NEBL: variants seen among roughly 807,000 people sequenced by gnomAD.
NEBL encodes LIM and SH3 protein 2.
Under a neutral mutation model 140.2 loss-of-function variants are expected in NEBL, and 122 were observed. That is an observed-to-expected ratio of 0.87 (90% CI 0.75 to 1.01). The LOEUF (loss-of-function observed/expected upper bound fraction) is 1.01, where lower values mean the gene tolerates loss of function less well. Ranked by LOEUF, NEBL falls within the 50% of genes least tolerant of loss-of-function variation. The pLI, the probability that NEBL is intolerant of heterozygous loss-of-function variation, is 0.00. For missense variants in NEBL, 1,365 were observed against 1,231.3 expected, an observed-to-expected ratio of 1.11 and a Z score of -1.62; for synonymous variants, 436 against 398.9, an observed-to-expected ratio of 1.09 and a Z score of -1.11.
chr10:20,908,739 G>C (rs747432062), intron 4 of NEBL, among the ~76,000 whole-genome samples: 2 of 152,132 alleles, frequency 1.3e-5, no homozygotes, highest in Non-Finnish European at 2.9e-5. Flanking sequence ...AGCAGCCAGC[G>C]CCACACAGCA....
chr10:20,845,318 C>A lies in NEBL; in HGVS notation c.1167G>T (p.Leu389=). The change falls in exon 12 of 28, where the codon CTG becomes CTT. Residue 389 remains leucine, a synonymous_variant. Coordinates refer to ENST00000377122, the MANE Select transcript of NEBL (RefSeq NM_006393.3). ...AAAATTCTGGAGTCTTGTCTAAATC[C>A]AGTGATGACCTTCCTTTAATCTCCT... The part of the protein sequence containing the change: ...FEKEIKGRSS[L]DLDKTPEFLH... 6 of 1,606,480 alleles carry A rather than the reference C, an allele frequency of 3.7e-6. No homozygotes were observed. Among genetic ancestry groups the A allele is most frequent in the Non-Finnish European group, 4.3e-6 (5 of 1,173,562 alleles).
At chr10:21,283,292 C>T (rs535500775) in intron 1 of NEBL, among the ~76,000 whole-genome samples, 1 of 152,250 alleles carries the variant, frequency 6.6e-6, no homozygotes, top group Admixed American at 6.5e-5. Flanking sequence ...CAGGAAGTTA[C>T]CCTATATGGT....
At chr10:21,056,272 T>C (rs1285925964) in intron 2 of NEBL, among the ~76,000 whole-genome samples, 1 of 152,206 alleles carries the variant, frequency 6.6e-6, no homozygotes, top group Non-Finnish European at 1.5e-5. Flanking sequence ...CAGCCCTCTC[T>C]CTTGTTCATA....
At chr10:20,956,518 T>C (rs941608248) in intron 4 of NEBL, among the ~76,000 whole-genome samples, 18 of 152,300 alleles carry the variant, frequency 1.2e-4, no homozygotes, top group African/African-American at 4.3e-4. Flanking sequence ...ATACTAGCCT[T>C]CAAGAGCTTA....
intron 22 of NEBL, 150 bp downstream of exon 22, chr10:20,815,475 G>C: frequency 1.5e-6 from 1 of 671,408 alleles, no homozygotes. Flanking sequence ...GGCAGCTTTT[G>C]GAAGTCATCT....
In NEBL at chr10:21,242,376, C is replaced by T. The variant is rs150531721; in HGVS notation, n.348+5545G>A. ...AGTGAACTAATGCAGGAACAGAAAA[C>T]CAAATACTGCATGTTCTCACGTATA... On this transcript the variant is annotated intron_variant and non_coding_transcript_variant, in intron 3 of 8. Transcript: ENST00000675702. Among the ~76,000 whole-genome samples, 614 of 152,182 alleles carry T rather than the reference C, an allele frequency of 4.0e-3. 5 individuals carry two copies. The highest frequency in any genetic ancestry group is 6.8e-3 in the Middle Eastern group (2 of 292).
At chr10:20,938,216 G>A (rs1261713745) in intron 4 of NEBL, among the ~76,000 whole-genome samples, 3 of 152,184 alleles carry the variant, frequency 2.0e-5, no homozygotes, top group African/African-American at 4.8e-5. Flanking sequence ...CACCTCACAC[G>A]GCTGGGTACT....
intron 3 of NEBL, among the ~76,000 whole-genome samples, chr10:21,222,563 G>A (rs1265271933): frequency 1.3e-5 from 2 of 152,062 alleles, no homozygotes; most frequent in Admixed American, 6.6e-5. Context: ...ACCCTGCCAA[G>A]TCACTACTAT....
At chr10:21,165,393 C>T (rs909804958) in intron 2 of NEBL, among the ~76,000 whole-genome samples, 10 of 152,150 alleles carry the variant, frequency 6.6e-5, no homozygotes, top group African/African-American at 2.4e-4. Flanking sequence ...TTAATGAACC[C>T]TAGTCACCAG....
intron 2 of NEBL, among the ~76,000 whole-genome samples, chr10:21,059,508 G>A (rs777322166): frequency 1.3e-5 from 2 of 152,204 alleles, no homozygotes; most frequent in Non-Finnish European, 2.9e-5. Context: ...GGGGAGGAAG[G>A]GGAATGACCT....
At chr10:21,184,051 T>C (rs1324702263) in intron 3 of NEBL, among the ~76,000 whole-genome samples, 1 of 152,206 alleles carries the variant, frequency 6.6e-6, no homozygotes, top group African/African-American at 2.4e-5. Context: ...AACCTCTTTC[T>C]TTTGAAAATT....
At chr10:20,787,875 G>C (rs1835564808) in intron 26 of NEBL, among the ~76,000 whole-genome samples, 1 of 152,114 alleles carries the variant, frequency 6.6e-6, no homozygotes, top group Non-Finnish European at 1.5e-5. Context: ...AATATATGAA[G>C]TCTTTGTTTT....
At position 20,978,335 on chromosome 10, in the gene NEBL, G is replaced by A. The variant is rs376946877; in HGVS notation, c.250-16556C>T. Among the ~76,000 whole-genome samples the A allele has an allele frequency of 3.0e-4, 46 of 151,466 alleles. No individual in the cohort carries two copies. The Middle Eastern group carries it at 0.017, about 56-fold the overall frequency. On this transcript the variant is annotated intron_variant, in intron 3 of 6. Coordinates refer to the NEBL transcript ENST00000417816. Reference sequence around the variant, plus strand: ...AATGAAGACAGATCAATAATATCCCGAAGAATAGAGAGCTTATTCAAGTAA... The same window carrying A: ...AATGAAGACAGATCAATAATATCCCAAAGAATAGAGAGCTTATTCAAGTAA...
rs117647472 is a variant in NEBL, at chr10:20,864,536, C to T, written c.684+4128G>A. 4.6e-3 allele frequency among the ~76,000 whole-genome samples: 694 copies of T among 152,276 alleles called. 6 individuals are homozygous for T. Among genetic ancestry groups the T allele is most frequent in the Admixed American group, 9.8e-3 (149 of 15,282 alleles). ...CTGCCCATTCACTCTCTGTTCCCATCCTTTCATCAGACAGGTCTTATCTCC... is the reference window on the plus strand; with the variant it reads ...CTGCCCATTCACTCTCTGTTCCCATTCTTTCATCAGACAGGTCTTATCTCC... On this transcript the variant is annotated intron_variant, in intron 7 of 27. Coordinates refer to ENST00000377122, the MANE Select transcript of NEBL (RefSeq NM_006393.3).
intron 4 of NEBL, among the ~76,000 whole-genome samples, chr10:20,934,475 A>C (rs189963899): frequency 7.9e-5 from 12 of 152,244 alleles, no homozygotes; most frequent in African/African-American, 2.9e-4. Context: ...GAGTCCGCAA[A>C]ACTGAATTCT....
intron 18 of NEBL, among the ~76,000 whole-genome samples, chr10:20,824,187 T>C (rs940018978): frequency 6.6e-6 from 1 of 152,206 alleles, no homozygotes; most frequent in Non-Finnish European, 1.5e-5. Flanking sequence ...AAAGGATACA[T>C]ATATATGTAA....
At chr10:21,096,669 A>G (rs1171665460) in intron 2 of NEBL, among the ~76,000 whole-genome samples, 4 of 152,174 alleles carry the variant, frequency 2.6e-5, no homozygotes, top group African/African-American at 4.8e-5. Context: ...GCTCACCACC[A>G]TGTCTGGCTA....
chr10:21,288,488 C>G (rs992907866), intron 1 of NEBL, among the ~76,000 whole-genome samples: 3 of 151,038 alleles, frequency 2.0e-5, no homozygotes, highest in Non-Finnish European at 4.4e-5. Flanking sequence ...AAAAGCCCGA[C>G]GCGGTGGCTC....
chr10:21,276,459 T>C (rs549469940), intron 1 of NEBL, among the ~76,000 whole-genome samples: 1 of 152,216 alleles, frequency 6.6e-6, no homozygotes, highest in South Asian at 2.1e-4. Flanking sequence ...TCCTATAATC[T>C]TCTACCCCTT....
Sources: allele counts gnomAD v4.1 joint callset (sites outside exome capture counted in the v4.1 genomes callset), GRCh38; gene constraint gnomAD v4.1.1; transcripts MANE v1.5; gene names NCBI Gene and HGNC (gene_info 2026-07-23, HGNC 2026-07-21).